Variants in DGKQ observed in about 807,000 individuals in gnomAD.
DGKQ encodes the protein DAG kinase theta.
In DGKQ, 97 loss-of-function variants were observed where a neutral mutation model predicts 104.2. The ratio of observed to expected loss-of-function variants is 0.93; its 90% CI spans 0.79 to 1.10. The LOEUF is 1.10. Ranked by LOEUF, DGKQ falls within the 50% of genes least tolerant of loss-of-function variation. The probability of loss-of-function intolerance (pLI) is 0.00; values close to 1 mark genes in which losing one functional copy is unlikely to be tolerated. For missense variants in DGKQ, 1,465 were observed against 1,352.1 expected, an observed-to-expected ratio of 1.08 and a Z score of -1.31; for synonymous variants, 736 against 595.2, an observed-to-expected ratio of 1.24 and a Z score of -3.44.
At position 967,004 on chromosome 4, in the gene DGKQ, C is replaced by G; in HGVS notation, c.1271G>C (p.Arg424Pro). 1 of 1,565,214 alleles carries G rather than the reference C, an allele frequency of 6.4e-7. No individual in the cohort carries two copies. Among genetic ancestry groups the G allele is most frequent in the Non-Finnish European group, 8.6e-7 (1 of 1,157,370 alleles). ...SVRVTPKSTA[R>P]SVVLEVLPLL... The stretch of plus-strand genomic sequence containing the variant: ...CGGCAGGACCTCCAGCACCACAGAG[C>G]GGGCCGTGCTCTTCGGGGTCACTCG... Residue 424 changes from arginine to proline, a missense_variant, in exon 10 of 23, where the codon CGC becomes CCC. By Grantham distance (103) the Arg-to-Pro change is moderately radical. Transcript: ENST00000273814.
Position 961,819 on chromosome 4 carries a change from A to G in DGKQ, c.2331T>C (p.Gly777=). Residue 777 remains glycine, a synonymous_variant, in exon 20 of 23, where the codon GGT becomes GGC. Transcript: ENST00000273814. The part of the protein sequence containing the change: ...GKFTSRLHNK[G]VYVRVGLQKI... ...TCTGCAGCCCCACCCGCACGTACACACCCTTGTTGTGCAGCCTGCAGGACG... is the reference window on the plus strand; with the variant it reads ...TCTGCAGCCCCACCCGCACGTACACGCCCTTGTTGTGCAGCCTGCAGGACG... 6.2e-7 allele frequency: 1 copy of G among 1,601,118 alleles called. No individual in the cohort carries two copies. The highest frequency in any genetic ancestry group is 8.5e-7 in the Non-Finnish European group (1 of 1,173,624).
chr4:963,065 G>T (rs2153008253), intron 16 of DGKQ, 74 bp downstream of exon 16: 1 of 1,512,112 alleles, frequency 6.6e-7, no homozygotes, highest in Non-Finnish European at 8.9e-7. Flanking sequence ...TGCCGGCCGA[G>T]ACAGCTGTGG....
intron 1 of DGKQ, 52 bp downstream of exon 1, chr4:973,160 A>ACGG: frequency 1.4e-6 from 2 of 1,435,886 alleles, no homozygotes; most frequent in African/African-American, 3.0e-5. Context: ...GCTCCCGCCC[A>ACGG]CGGGGCAGAG....
At position 973,423 on chromosome 4, in the gene DGKQ, G is replaced by A; in HGVS notation, c.60C>T (p.Pro20=). The change falls in exon 1 of 23, where the codon CCC becomes CCT. Residue 20 remains proline, a synonymous_variant. Coordinates refer to ENST00000273814, the MANE Select transcript of DGKQ (RefSeq NM_001347.4). ...GCACGGGGCTGCAGGCCGGGCTGCCGGGGCGCGGGGAGCCGCCGCCCAGCC... is the reference window on the plus strand; with the variant it reads ...GCACGGGGCTGCAGGCCGGGCTGCCAGGGCGCGGGGAGCCGCCGCCCAGCC... ...RAWLGGGSPR[P]GSPACSPVLG... 1 of 994,238 alleles carries A rather than the reference G, an allele frequency of 1.0e-6. No individual in the cohort carries two copies. The highest frequency in any genetic ancestry group is 1.2e-6 in the Non-Finnish European group (1 of 837,296). The allele number at this position is 994,238 out of a possible 1,614,324, so 61.6% of individuals were successfully genotyped here.
chr4:961,464 C>A lies in DGKQ; in HGVS notation c.2574+3G>T, dbSNP rs747379235. 4 of 1,591,686 alleles carry A rather than the reference C, an allele frequency of 2.5e-6. 1 individual carries two copies. The South Asian group carries it at 3.4e-5, about 13-fold the overall frequency. On this transcript the variant is annotated splice_donor_region_variant and intron_variant, in intron 21 of 22. Coordinates refer to ENST00000273814, the MANE Select transcript of DGKQ (RefSeq NM_001347.4). Reference sequence around the variant, plus strand: ...TCGCCCGCCCACTCGGCCGGCGGCTCACCATGTGCACGACGCCCGTCACGC... The same window carrying A: ...TCGCCCGCCCACTCGGCCGGCGGCTAACCATGTGCACGACGCCCGTCACGC...
Position 971,075 on chromosome 4 carries a change from G to A in DGKQ, c.272-3C>T. On this transcript the variant is annotated splice_polypyrimidine_tract_variant and splice_region_variant and intron_variant, in intron 1 of 22. Coordinates refer to ENST00000273814, the MANE Select transcript of DGKQ (RefSeq NM_001347.4). This position sits in a 1 kb window ranked among gnomAD's most constrained non-coding sequence, Gnocchi z 4.0. ...CTCATGAGACATGAAATTGCAGACT[G>A]TGGGAATGAGCACTGTGTGAGTTGG... The A allele has an allele frequency of 6.4e-7, 1 of 1,555,670 alleles. No homozygotes were observed. The highest frequency in any genetic ancestry group is 1.7e-4 in the Middle Eastern group (1 of 5,996).
Position 968,378 on chromosome 4 carries a change from C to CA in DGKQ, c.566_567insT (p.Asn190GlufsTer19). On this transcript the variant is annotated frameshift_variant, in exon 5 of 23. Transcript: ENST00000273814. LOFTEE classifies it high-confidence loss of function. Reference sequence around the variant, plus strand: ...CGCAGCGCGCTCCCGAGGGCAGGTTCCCCTCCCGCCAGTGGTGGTGATGGG... The same window carrying CA: ...CGCAGCGCGCTCCCGAGGGCAGGTTCACCCTCCCGCCAGTGGTGGTGATGGG... The CA allele has an allele frequency of 6.4e-7, 1 of 1,560,104 alleles. No homozygotes were observed. Among genetic ancestry groups the CA allele is most frequent in the Non-Finnish European group, 8.7e-7 (1 of 1,155,142 alleles).
chr4:967,509 C>T (rs1482423593), intron 8 of DGKQ, 40 bp downstream of exon 8: 6 of 1,592,890 alleles, frequency 3.8e-6, no homozygotes, highest in Non-Finnish European at 4.3e-6. Context: ...GACATGCGGT[C>T]CTGGGAGGGG....
intron 8 of DGKQ, 65 bp from the exon 9 acceptor site, chr4:967,426 G>A (rs1712481349): frequency 1.7e-6 from 2 of 1,192,240 alleles, no homozygotes; most frequent in East Asian, 2.6e-5. Context: ...TGGGGGGCAG[G>A]TCATGGAGGG....
intron 2 of DGKQ, 106 bp downstream of exon 2, chr4:970,887 G>A (rs759528738): frequency 1.3e-6 from 1 of 799,106 alleles, no homozygotes; most frequent in Non-Finnish European, 2.0e-6. Flanking sequence ...CCTTTCAACT[G>A]CAGGTATCAC....
chr4:966,375 A>T, intron 12 of DGKQ, 91 bp downstream of exon 12: 1 of 1,396,660 alleles, frequency 7.2e-7, no homozygotes, highest in Non-Finnish European at 1.0e-6. Flanking sequence ...GCCAAGGAGA[A>T]CTCGGCGTCT....
rs752484430 is a variant in DGKQ, at chr4:967,219, G to A, written c.1130C>T (p.Pro377Leu). 2.2e-5 allele frequency: 34 copies of A among 1,580,790 alleles called. No homozygotes were observed. The highest frequency in any genetic ancestry group is 2.8e-5 in the Non-Finnish European group (33 of 1,165,056). The change falls in exon 9 of 23, where the codon CCC (proline) becomes CTC (leucine). Residue 377 changes from proline (P) to leucine (L), a missense_variant. By Grantham distance (98) the Pro-to-Leu change is moderately conservative (BLOSUM62 -3). Transcript: ENST00000273814. ...CTCTGGCGTGGCCTCGCCGGACCCG[G>A]GGCTTCTGCCCTCCTCCGAGATCAC... ...SAVISEEGRS[P>L]GSGEATPEAW...
At chr4:964,521 A>T (rs1327866365) in intron 15 of DGKQ, among the ~76,000 whole-genome samples, 23 of 144,718 alleles carry the variant, frequency 1.6e-4, no homozygotes, top group Non-Finnish European at 2.8e-4. Flanking sequence ...GTCTCCACGG[A>T]CCAGACCCCC....
chr4:966,199 C>A, intron 12 of DGKQ, 121 bp from the exon 13 acceptor site: 1 of 1,133,390 alleles, frequency 8.8e-7, no homozygotes, highest in South Asian at 1.5e-5. Flanking sequence ...GGAATTAAGT[C>A]AACAGGAAAA....
rs368443817 is a variant in DGKQ at position 971,024 on chromosome 4, G to A, written c.320C>T (p.Pro107Leu). ...HEKCLKHVRI[P>L]CTSVAPSLVR... ...CAGGCTGGGTGCCACACTCGTGCAC[G>A]GGATCCTCACGTGCTTCAGGCACTT... Residue 107 changes from proline (P) to leucine (L), a missense_variant, in exon 2 of 23, where the codon CCG becomes CTG. Coordinates refer to ENST00000273814, the MANE Select transcript of DGKQ (RefSeq NM_001347.4). The surrounding 1 kb of genome is among the most constrained non-coding windows in gnomAD (Gnocchi z 4.0). 1.0e-5 allele frequency: 16 copies of A among 1,555,352 alleles called. No individual in the cohort carries two copies. The highest frequency in any genetic ancestry group is 1.7e-4 in the Middle Eastern group (1 of 6,008).
chr4:961,579 C>A lies in DGKQ; in HGVS notation c.2463-1G>T. The A allele has an allele frequency of 6.2e-7, 1 of 1,609,530 alleles. No homozygotes were observed. Among genetic ancestry groups the A allele is most frequent in the Non-Finnish European group, 8.5e-7 (1 of 1,178,726 alleles). On this transcript the variant is annotated splice_acceptor_variant, in intron 20 of 22. Coordinates refer to ENST00000273814, the MANE Select transcript of DGKQ (RefSeq NM_001347.4). LOFTEE classifies it high-confidence loss of function. ...CCACAGGTCGGCCCCCGAGCCCCAG[C>A]TGCCGCATAAGAGAGCGGGCACAGA... is the stretch of plus-strand genomic sequence containing the variant.
chr4:962,495 C>T lies in DGKQ; in HGVS notation c.2154G>A (p.Leu718=). The T allele has an allele frequency of 6.2e-7, 1 of 1,608,962 alleles. No homozygotes were observed. The highest frequency in any genetic ancestry group is 8.5e-7 in the Non-Finnish European group (1 of 1,179,760). ...DAVLMDRWTI[L]LDAHEAGSAE... ...CACTGCCAGCCTCGTGGGCATCCAG[C>T]AGGATGGTCCAGCGGTCCATGAGCA... is the stretch of plus-strand genomic sequence containing the variant. Residue 718 remains leucine, a synonymous_variant, in exon 18 of 23, where the codon CTG becomes CTA. Coordinates refer to ENST00000273814, the MANE Select transcript of DGKQ (RefSeq NM_001347.4).
At chr4:962,737 T>C in intron 17 of DGKQ, 35 bp downstream of exon 17, 4 of 1,598,446 alleles carry the variant, frequency 2.5e-6, no homozygotes, top group Non-Finnish European at 3.4e-6. Context: ...GGGTAGACCC[T>C]GAGGCCCCCT....
intron 3 of DGKQ, 33 bp downstream of exon 3, chr4:968,778 C>A (rs773324656): frequency 1.3e-6 from 2 of 1,577,078 alleles, no homozygotes; most frequent in Admixed American, 3.5e-5. Context: ...GAGACCAGGA[C>A]ACTGGGTGGG....
Sources: allele counts gnomAD v4.1 joint callset (sites outside exome capture counted in the v4.1 genomes callset), GRCh38; gene constraint gnomAD v4.1.1; non-coding constraint Gnocchi (gnomAD v3.1); transcripts MANE v1.5; gene names NCBI Gene and HGNC (gene_info 2026-07-23, HGNC 2026-07-21).